Variants in SETD4 observed in about 807,000 individuals in gnomAD.
SETD4 encodes SET domain-containing protein 4.
In SETD4, 46 loss-of-function variants were observed where a neutral mutation model predicts 58.3. The observed-to-expected ratio is 0.79, with a 90% CI of 0.62 to 1.01. SETD4 has a LOEUF of 1.01. SETD4 is among the 50% of genes least tolerant of loss of function. SETD4 has a pLI of 0.00. For missense variants in SETD4, 490 were observed against 523.3 expected, an observed-to-expected ratio of 0.94 and a Z score of 0.62; for synonymous variants, 190 against 202.6, an observed-to-expected ratio of 0.94 and a Z score of 0.53.
At chr21:36,059,666 C>A (rs34760465) in intron 1 of SETD4, 52,345 of 873,582 alleles carry the variant, frequency 0.06, 1,702 homozygotes, top group Non-Finnish European at 0.065. Context: ...CCAACCTGGG[C>A]GACAGAGCGA....
chr21:36,058,207 T>G (rs2065083216), intron 2 of SETD4, among the ~76,000 whole-genome samples: 1 of 152,018 alleles, frequency 6.6e-6, no homozygotes, highest in Admixed American at 6.6e-5. Context: ...ATTTAAGAAA[T>G]ATTCTCTTTG....
chr21:36,053,714 A>C, intron 3 of SETD4, 94 bp from the exon 4 acceptor site: 2 of 1,232,972 alleles, frequency 1.6e-6, no homozygotes, highest in Non-Finnish European at 2.4e-6. Context: ...GAACTTCAAA[A>C]TTACACAAGG....
chr21:36,036,497 T>C (rs2063788265), intron 10 of SETD4: 1 of 371,222 alleles, frequency 2.7e-6, no homozygotes, highest in Non-Finnish European at 3.7e-6. Flanking sequence ...TCTACTCCAC[T>C]CTCTGTCTCT....
At chr21:36,057,370 G>T in intron 2 of SETD4, 166 bp from the exon 3 acceptor site, 1 of 729,476 alleles carries the variant, frequency 1.4e-6, no homozygotes, top group Non-Finnish European at 2.5e-6. Flanking sequence ...TATTGGCCAG[G>T]CGCAATGACT....
At chr21:36,040,413 T>G (rs1242227296) in intron 9 of SETD4, among the ~76,000 whole-genome samples, 162 bp downstream of exon 9, 1 of 152,234 alleles carries the variant, frequency 6.6e-6, no homozygotes, top group East Asian at 1.9e-4. Context: ...AAACATTCGC[T>G]ACATGGGCAA....
Position 36,045,190 on chromosome 21 carries a change from C to A in SETD4, c.726+392G>T, listed in dbSNP as rs148497907. Among the ~76,000 whole-genome samples the A allele has an allele frequency of 2.9e-4, 44 of 152,270 alleles. No individual in the cohort carries two copies. The East Asian group carries it at 8.1e-3, about 28-fold the overall frequency. ...AGAGCAAGTCAGTCAGCGATCAGAGCGAAGAGAAATGCTGTGACAGCTACA... is the reference window on the plus strand; with the variant it reads ...AGAGCAAGTCAGTCAGCGATCAGAGAGAAGAGAAATGCTGTGACAGCTACA... On this transcript the variant is annotated intron_variant, in intron 6 of 11. Transcript: ENST00000332131.
At chr21:36,055,886 A>C (rs2064961641) in intron 3 of SETD4, among the ~76,000 whole-genome samples, 1 of 152,170 alleles carries the variant, frequency 6.6e-6, no homozygotes, top group Non-Finnish European at 1.5e-5. Flanking sequence ...TTCCTAGGGC[A>C]AATGACACCA....
intron 4 of SETD4, chr21:36,050,636 T>C: frequency 6.2e-7 from 1 of 1,610,452 alleles, no homozygotes; most frequent in Non-Finnish European, 8.5e-7. Context: ...GCCATGAAAA[T>C]TTTGCTAAAA....
At chr21:36,060,202 GATA>G (rs1313706645) in intron 1 of SETD4, 142 bp downstream of exon 1, 13 of 854,394 alleles carry the variant, frequency 1.5e-5, no homozygotes, top group Admixed American at 6.2e-5. Flanking sequence ...CAGCGCACAC[GATA>G]ATGCCTGCCC....
intron 9 of SETD4, among the ~76,000 whole-genome samples, chr21:36,038,953 C>T (rs796108359): frequency 1.4e-4 from 21 of 151,992 alleles, no homozygotes; most frequent in African/African-American, 5.1e-4. Flanking sequence ...AGAAAGACGA[C>T]GGAGGACCGG....
chr21:36,036,026 C>CT, intron 11 of SETD4, 59 bp downstream of exon 11: 1 of 1,521,136 alleles, frequency 6.6e-7, no homozygotes, highest in East Asian at 2.3e-5. Context: ...CTCATCGACT[C>CT]TAAACTATAT....
intron 2 of SETD4, among the ~76,000 whole-genome samples, chr21:36,058,157 G>C (rs975075575): frequency 6.6e-6 from 1 of 152,138 alleles, no homozygotes; most frequent in Non-Finnish European, 1.5e-5. Context: ...TTCCCACCAG[G>C]ATCTAAAAGA....
At chr21:36,051,093 C>A in intron 4 of SETD4, 11 of 1,416,480 alleles carry the variant, frequency 7.8e-6, no homozygotes, top group African/African-American at 1.4e-5. Context: ...GGCTTGTAAT[C>A]TAGATGTAGC....
intron 7 of SETD4, chr21:36,043,230 CA>C: frequency 6.2e-6 from 1 of 160,256 alleles, no homozygotes; most frequent in Non-Finnish European, 1.3e-5. Context: ...CACTGCACTC[CA>C]GCCTGAGCAA....
rs896254071 is a variant in SETD4, at chr21:36,035,935, A to C, written c.*58T>G. ...GCAGCCACCACCCCAGCCCATGATG[A>C]TGCTCTTCAAAATTAACTTTTGTTT... is the stretch of plus-strand genomic sequence containing the variant. On this transcript the variant is annotated 3_prime_UTR_variant, in exon 12 of 12. Transcript: ENST00000332131. 2 of 772,560 alleles carry C rather than the reference A, an allele frequency of 2.6e-6. No individual in the cohort carries two copies. Among genetic ancestry groups the C allele is most frequent in the South Asian group, 1.8e-5 (1 of 56,924 alleles). The allele number at this position is 772,560 out of a possible 1,614,324, so 47.9% of individuals were successfully genotyped here.
At chr21:36,041,984 AC>A (rs2064087203) in intron 7 of SETD4, 96 bp from the exon 8 acceptor site, 13 of 628,142 alleles carry the variant, frequency 2.1e-5, no homozygotes, top group African/African-American at 3.7e-5. Flanking sequence ...CCCTTTAGCA[AC>A]CCAGACATGC....
At chr21:36,036,514 T>C (rs1414119532) in intron 10 of SETD4, 1 of 484,498 alleles carries the variant, frequency 2.1e-6, no homozygotes, top group Non-Finnish European at 2.7e-6. Context: ...CTCTACGAAC[T>C]CACCTGTTCC....
At chr21:36,055,721 C>T (rs1250897248) in intron 3 of SETD4, among the ~76,000 whole-genome samples, 1 of 152,218 alleles carries the variant, frequency 6.6e-6, no homozygotes, top group African/African-American at 2.4e-5. Flanking sequence ...AAGCCACCTG[C>T]ATCACCCGAA....
At chr21:36,050,726 G>A (rs1215541469) in intron 4 of SETD4, 2 of 1,612,414 alleles carry the variant, frequency 1.2e-6, no homozygotes, top group Non-Finnish European at 1.7e-6. Context: ...CTGTTTTCTT[G>A]GCTCGAGATA....
Sources: allele counts gnomAD v4.1 joint callset (sites outside exome capture counted in the v4.1 genomes callset), GRCh38; gene constraint gnomAD v4.1.1; transcripts MANE v1.5; gene names NCBI Gene and HGNC (gene_info 2026-07-23, HGNC 2026-07-21).